Variants in CGNL1 observed in about 807,000 individuals in gnomAD.
CGNL1 encodes cingulin-like protein 1.
A neutral mutation model predicts 141.2 loss-of-function variants in CGNL1; 132 were observed. The observed-to-expected ratio is 0.93, with a 90% CI of 0.81 to 1.08. The LOEUF is 1.08. CGNL1 is among the 50% of genes least tolerant of loss of function. The pLI is 0.00. For synonymous variants in CGNL1, 690 were observed against 622.1 expected (o/e 1.11, Z -1.63); for missense variants, 1,870 against 1,588.6 (o/e 1.18, Z -3.01).
intron 8 of CGNL1, chr15:57,477,445 T>A (rs1252229555): frequency 6.6e-6 from 1 of 152,180 alleles, no homozygotes; most frequent in Non-Finnish European, 1.5e-5. Flanking sequence ...TAGTAAACTT[T>A]GGAAAATAGG....
chr15:57,532,105 A>G (rs1174760479), intron 14 of CGNL1, among the ~76,000 whole-genome samples: 1 of 152,204 alleles, frequency 6.6e-6, no homozygotes, highest in African/African-American at 2.4e-5. Context: ...GGCTTTCTAA[A>G]TGTTGATATA....
intron 1 of CGNL1, among the ~76,000 whole-genome samples, chr15:57,401,517 G>A (rs1313285079): frequency 6.6e-6 from 1 of 152,156 alleles, no homozygotes; most frequent in Non-Finnish European, 1.5e-5. Flanking sequence ...TTACCAGCTC[G>A]AGTGTTTCAT....
intron 8 of CGNL1, among the ~76,000 whole-genome samples, chr15:57,492,053 A>G (rs1240759221): frequency 2.0e-5 from 3 of 152,196 alleles, no homozygotes; most frequent in South Asian, 2.1e-4. Flanking sequence ...AAAACTAAGG[A>G]AAGCTCACTT....
intron 1 of CGNL1, among the ~76,000 whole-genome samples, chr15:57,381,081 C>A (rs1439407828): frequency 2.0e-5 from 3 of 152,200 alleles, no homozygotes; most frequent in African/African-American, 7.2e-5. Flanking sequence ...ACCCATAGGG[C>A]TAATAACCTC....
Position 57,463,968 on chromosome 15 carries a change from G to A in CGNL1, c.2403+2076G>A, listed in dbSNP as rs148701854. 1.6e-3 allele frequency among the ~76,000 whole-genome samples: 238 copies of A among 152,042 alleles called. 1 individual carries two copies. The highest frequency in any genetic ancestry group is 9.9e-4 in the Non-Finnish European group (67 of 68,020). Reference sequence around the variant, plus strand: ...TCCTTAGGGTTTCTGCGGAACCCTGGCCATTCTTCTACTGTAGTTTGTATC... The same window carrying A: ...TCCTTAGGGTTTCTGCGGAACCCTGACCATTCTTCTACTGTAGTTTGTATC... On this transcript the variant is annotated intron_variant, in intron 8 of 18. Coordinates refer to ENST00000281282, the MANE Select transcript of CGNL1 (RefSeq NM_032866.5).
At chr15:57,432,571 A>C (rs115557808) in intron 1 of CGNL1, among the ~76,000 whole-genome samples, 1,525 of 152,332 alleles carry the variant, frequency 0.01, 20 homozygotes, top group African/African-American at 0.035. Flanking sequence ...GCGATTGATC[A>C]GCGTTTACTG....
rs577662657 is a variant in CGNL1, at chr15:57,550,277, T to G, written c.*2787T>G. ...CACCCCAGTGACTTTGACAGTGTGC[T>G]CACTCTCAGAGCCATGGATTACCTG... On this transcript the variant is annotated 3_prime_UTR_variant, in exon 19 of 19. Transcript: ENST00000281282. 1.3e-5 allele frequency: 2 copies of G among 152,718 alleles called. No individual in the cohort carries two copies. The highest frequency in any genetic ancestry group is 3.9e-4 in the East Asian group (2 of 5,176). The allele number at this position is 152,718 out of a possible 1,614,324, so 9.5% of individuals were successfully genotyped here.
chr15:57,523,744 T>C, intron 11 of CGNL1, 103 bp downstream of exon 11: 1 of 1,264,906 alleles, frequency 7.9e-7, no homozygotes, highest in Non-Finnish European at 1.1e-6. Flanking sequence ...GCAGTAGGTC[T>C]AAGCACAAAA....
At chr15:57,489,891 T>C (rs1264208063) in intron 8 of CGNL1, among the ~76,000 whole-genome samples, 1 of 152,178 alleles carries the variant, frequency 6.6e-6, no homozygotes, top group African/African-American at 2.4e-5. Flanking sequence ...TGAGAGGTTG[T>C]GAGAGAAATT....
chr15:57,476,756 T>C lies in CGNL1; in HGVS notation c.2403+14864T>C, dbSNP rs76193256. On this transcript the variant is annotated intron_variant, in intron 8 of 18. Coordinates refer to ENST00000281282, the MANE Select transcript of CGNL1 (RefSeq NM_032866.5). The stretch of plus-strand genomic sequence containing the variant: ...GAACAGAACTTGTTTGAACCAGCAT[T>C]ATTAGTTTAGTTTCATGAAAGACAA... 3.6e-3 allele frequency among the ~76,000 whole-genome samples: 554 copies of C among 152,304 alleles called. 3 individuals carry two copies. Among genetic ancestry groups the C allele is most frequent in the African/African-American group, 0.013 (526 of 41,558 alleles).
chr15:57,424,008 A>G (rs1349076810), intron 1 of CGNL1, among the ~76,000 whole-genome samples: 1 of 152,050 alleles, frequency 6.6e-6, no homozygotes, highest in Non-Finnish European at 1.5e-5. Context: ...TTTAAGTCAC[A>G]CCTCGAATCT....
rs1452750536 is a variant in CGNL1, at chr15:57,461,991, A to G, written c.2403+99A>G. On this transcript the variant is annotated intron_variant, in intron 8 of 18. Transcript: ENST00000281282. ...AATCCCCTTCATTCCTTTTAATTAG[A>G]GAGTGAATCTCAATTCATCAGATCA... The G allele has an allele frequency of 3.5e-6, 3 of 867,166 alleles. No individual in the cohort carries two copies. In the East Asian group the frequency reaches 7.7e-5, roughly 22 times the overall value. 53.7% of individuals were successfully genotyped at this position (867,166 alleles called of 1,614,324 possible).
chr15:57,533,483 T>C (rs1194555620), intron 14 of CGNL1, among the ~76,000 whole-genome samples: 1 of 152,202 alleles, frequency 6.6e-6, no homozygotes, highest in African/African-American at 2.4e-5. Context: ...CGCTAAACAT[T>C]CACAATGACA....
chr15:57,461,743 C>G lies in CGNL1; in HGVS notation c.2254C>G (p.Leu752Val). The change falls in exon 8 of 19, where the codon CTC (leucine) becomes GTC (valine). Residue 752 changes from leucine to valine, a missense_variant. Leu to Val is a conservative substitution (Grantham distance 32). Transcript: ENST00000281282. ...LLIAKEEQED[L>V]LRKRERELTA... Reference sequence around the variant, plus strand: ...GATTGCCAAAGAGGAGCAAGAAGACCTCTTGAGAAAGCGAGAGCGTGAACT... The same window carrying G: ...GATTGCCAAAGAGGAGCAAGAAGACGTCTTGAGAAAGCGAGAGCGTGAACT... The G allele has an allele frequency of 6.2e-7, 1 of 1,614,150 alleles. No individual in the cohort carries two copies. The highest frequency in any genetic ancestry group is 8.5e-7 in the Non-Finnish European group (1 of 1,180,028).
intron 8 of CGNL1, among the ~76,000 whole-genome samples, chr15:57,463,526 C>T (rs572000026): frequency 6.6e-6 from 1 of 152,346 alleles, no homozygotes; most frequent in African/African-American, 2.4e-5. Context: ...TTTCCAGGCA[C>T]CGGGAAGCTA....
chr15:57,453,839 A>G (rs771895399), intron 7 of CGNL1, 21 bp downstream of exon 7: 1 of 1,611,852 alleles, frequency 6.2e-7, no homozygotes. Flanking sequence ...CTGTGGGGTC[A>G]GGTGATAAGA....
At chr15:57,425,957 G>A (rs1475346580) in intron 1 of CGNL1, among the ~76,000 whole-genome samples, 3 of 151,800 alleles carry the variant, frequency 2.0e-5, no homozygotes, top group African/African-American at 7.3e-5. Context: ...TAAAAATAAT[G>A]GAGTAATGGA....
intron 8 of CGNL1, among the ~76,000 whole-genome samples, chr15:57,477,776 C>G (rs1323841485): frequency 6.6e-6 from 1 of 152,110 alleles, no homozygotes; most frequent in Admixed American, 6.6e-5. Context: ...TGAACTGTTT[C>G]CCTTGCAGGT....
At position 57,438,558 on chromosome 15, in the gene CGNL1, A is replaced by T. The variant is rs1292250345; in HGVS notation, c.559A>T (p.Lys187Ter). The T allele has an allele frequency of 6.2e-7, 1 of 1,613,790 alleles. No homozygotes were observed. Among genetic ancestry groups the T allele is most frequent in the Non-Finnish European group, 8.5e-7 (1 of 1,180,034 alleles). Residue 187 changes from lysine (K) to a stop codon, truncating the protein, a stop_gained, in exon 2 of 19, where the codon AAG (lysine) becomes TAG (stop). Transcript: ENST00000281282. LOFTEE classifies it high-confidence loss of function. ...GACAGAAGAAGGCATCAACAATAAG[A>T]AGCCTTGGACTTGCTTTCCCAAACC... ...TLTEEGINNK[K>*]PWTCFPKPSN...
Sources: gnomAD v4.1 joint callset for allele counts (sites outside exome capture counted in the v4.1 genomes callset) on GRCh38, gnomAD v4.1.1 for gene constraint, MANE v1.5 for transcripts, NCBI Gene and HGNC (gene_info 2026-07-23, HGNC 2026-07-21) for gene names.